Variants in ARHGAP15 observed in about 807,000 individuals in gnomAD.
The protein encoded by ARHGAP15 is rho GTPase-activating protein 15.
Under a neutral mutation model 63.7 loss-of-function variants are expected in ARHGAP15, and 51 were observed. That is an observed-to-expected ratio of 0.80 (90% CI 0.64 to 1.01). The LOEUF (loss-of-function observed/expected upper bound fraction) is 1.01, where lower values mean the gene tolerates loss of function less well. Among genes scored for constraint, ARHGAP15 ranks in the 50% least tolerant of loss-of-function variants. ARHGAP15 has a pLI of 0.00. For synonymous variants in ARHGAP15, 191 were observed against 193.8 expected (o/e 0.99, Z 0.12); for missense variants, 560 against 564.6 (o/e 0.99, Z 0.08).
intron 5 of ARHGAP15, among the ~76,000 whole-genome samples, chr2:143,239,299 G>A (rs1693770162): frequency 6.6e-6 from 1 of 152,120 alleles, no homozygotes; most frequent in Non-Finnish European, 1.5e-5. Context: ...AATTTTTTGT[G>A]TGCAATGAAA....
intron 13 of ARHGAP15, among the ~76,000 whole-genome samples, chr2:143,746,060 T>C (rs1686151687): frequency 6.6e-6 from 1 of 152,218 alleles, no homozygotes; most frequent in African/African-American, 2.4e-5. Context: ...ACCTCACGAA[T>C]TTCCACACAA....
chr2:143,595,842 A>T (rs1262043997), intron 11 of ARHGAP15, among the ~76,000 whole-genome samples: 1 of 152,176 alleles, frequency 6.6e-6, no homozygotes, highest in African/African-American at 2.4e-5. Flanking sequence ...ACTCATAAAC[A>T]TTAAGATGTA....
intron 10 of ARHGAP15, 26 bp downstream of exon 10, chr2:143,519,390 C>T: frequency 1.9e-6 from 3 of 1,548,936 alleles, no homozygotes; most frequent in Non-Finnish European, 2.7e-6. Flanking sequence ...TGCAGCAGTT[C>T]CCCCCATTAC....
chr2:143,238,243 T>C (rs1693729856), intron 5 of ARHGAP15: 1 of 152,126 alleles, frequency 6.6e-6, no homozygotes, highest in Non-Finnish European at 1.5e-5. Context: ...GTAACTATCA[T>C]CAGAGTGAAC....
chr2:143,560,021 T>G (rs1223190507), intron 11 of ARHGAP15, among the ~76,000 whole-genome samples: 1 of 152,224 alleles, frequency 6.6e-6, no homozygotes, highest in African/African-American at 2.4e-5. Context: ...AAAACTGATT[T>G]TTGAGATTTT....
intron 12 of ARHGAP15, among the ~76,000 whole-genome samples, chr2:143,662,025 G>A (rs1681827982): frequency 6.6e-6 from 1 of 152,248 alleles, no homozygotes; most frequent in Non-Finnish European, 1.5e-5. Flanking sequence ...GCTTGCTTAG[G>A]TAAACATAGC....
chr2:143,357,587 G>A (rs1015339893), intron 6 of ARHGAP15, among the ~76,000 whole-genome samples: 3 of 152,066 alleles, frequency 2.0e-5, no homozygotes, highest in Non-Finnish European at 4.4e-5. Context: ...TGACAGGTTT[G>A]AATGAGGCTA....
intron 1 of ARHGAP15, among the ~76,000 whole-genome samples, chr2:143,142,018 A>G (rs1461529595): frequency 5.9e-5 from 9 of 152,126 alleles, no homozygotes; most frequent in Non-Finnish European, 1.3e-4. Flanking sequence ...GTCTCTTACC[A>G]TACACACCTG....
intron 13 of ARHGAP15, among the ~76,000 whole-genome samples, chr2:143,750,028 T>C (rs1686311436): frequency 6.6e-6 from 1 of 152,236 alleles, no homozygotes; most frequent in Non-Finnish European, 1.5e-5. Context: ...AGAATCTCTG[T>C]GCAATTCCTT....
At chr2:143,542,996 TAATAA>T (rs1348308907) in intron 10 of ARHGAP15, among the ~76,000 whole-genome samples, 1 of 151,232 alleles carries the variant, frequency 6.6e-6, no homozygotes, top group African/African-American at 2.4e-5. Flanking sequence ...AATATTGCTG[TAATAA>T]AATAAGAATG....
At chr2:143,214,607 G>A (rs182491194) in intron 3 of ARHGAP15, among the ~76,000 whole-genome samples, 1 of 152,304 alleles carries the variant, frequency 6.6e-6, no homozygotes, top group African/African-American at 2.4e-5. Context: ...ATCTTCCTTA[G>A]ATGCTGTAGA....
chr2:143,339,542 G>A (rs1684959038), intron 6 of ARHGAP15, among the ~76,000 whole-genome samples: 1 of 152,056 alleles, frequency 6.6e-6, no homozygotes, highest in Admixed American at 6.6e-5. Context: ...TTATATTCCA[G>A]ACAATCTTGG....
At chr2:143,694,007 AT>A (rs1184122573) in intron 12 of ARHGAP15, among the ~76,000 whole-genome samples, 1 of 152,116 alleles carries the variant, frequency 6.6e-6, no homozygotes, top group South Asian at 2.1e-4. Context: ...GAGAATAATT[AT>A]TTTTTTTAAG....
intron 6 of ARHGAP15, among the ~76,000 whole-genome samples, chr2:143,382,538 T>A (rs1319891642): frequency 6.6e-6 from 1 of 152,186 alleles, no homozygotes; most frequent in African/African-American, 2.4e-5. Flanking sequence ...AGGGTCCCCT[T>A]AATGACCTCA....
At chr2:143,273,925 A>G (rs1272515509) in intron 6 of ARHGAP15, among the ~76,000 whole-genome samples, 1 of 151,746 alleles carries the variant, frequency 6.6e-6, no homozygotes, top group Non-Finnish European at 1.5e-5. Context: ...TATATTTTGT[A>G]TTTTTTTTCT....
intron 6 of ARHGAP15, among the ~76,000 whole-genome samples, chr2:143,289,730 G>T (rs1262324812): frequency 6.6e-6 from 1 of 152,096 alleles, no homozygotes; most frequent in Admixed American, 6.6e-5. Context: ...TCTTAACAAA[G>T]GTGTGATGCA....
chr2:143,162,813 T>G (rs1690351467), intron 2 of ARHGAP15, among the ~76,000 whole-genome samples: 1 of 151,998 alleles, frequency 6.6e-6, no homozygotes. Context: ...TCACTTTACA[T>G]ACAATTGTAT....
chr2:143,321,013 A>G (rs2105223771), intron 6 of ARHGAP15, among the ~76,000 whole-genome samples: 1 of 152,060 alleles, frequency 6.6e-6, no homozygotes, highest in East Asian at 1.9e-4. Flanking sequence ...TCCACTTCCT[A>G]TGGGGGGATT....
intron 6 of ARHGAP15, among the ~76,000 whole-genome samples, chr2:143,265,307 C>T (rs1012311641): frequency 6.6e-6 from 1 of 151,484 alleles, no homozygotes; most frequent in Non-Finnish European, 1.5e-5. Context: ...GAAGTTCTAA[C>T]CCCAAAATTG....
Sources: allele counts gnomAD v4.1 joint callset (sites outside exome capture counted in the v4.1 genomes callset), GRCh38; gene constraint gnomAD v4.1.1; transcripts MANE v1.5; gene names NCBI Gene and HGNC (gene_info 2026-07-23, HGNC 2026-07-21).